The following PLA2G6 variants were observed in gnomAD, a reference collection of about 807,000 sequenced individuals.
The protein encoded by PLA2G6 is phospholipase A2 group VI, also known as 85/88 kDa calcium-independent phospholipase A2.
PLA2G6 carries 62 observed loss-of-function variants against 83.8 expected under a neutral mutation model. The observed-to-expected ratio is 0.74, with a 90% CI of 0.60 to 0.91. PLA2G6 has a LOEUF of 0.91. Ranked by LOEUF, PLA2G6 falls within the 40% of genes least tolerant of loss-of-function variation. The probability of loss-of-function intolerance (pLI) is 0.00; values close to 1 mark genes in which losing one functional copy is unlikely to be tolerated. For missense variants in PLA2G6, 944 were observed against 1,102.0 expected (o/e 0.86, Z 2.03); for synonymous variants, 417 against 449.8 (o/e 0.93, Z 0.92).
chr22:38,148,643 G>T, intron 2 of PLA2G6: 1 of 690,644 alleles, frequency 1.4e-6, no homozygotes, highest in South Asian at 1.6e-5. Flanking sequence ...GGAGAGCCCT[G>T]ATGAACATCT....
chr22:38,126,865 G>T, intron 9 of PLA2G6: 1 of 390,854 alleles, frequency 2.6e-6, no homozygotes, highest in Non-Finnish European at 4.3e-6. Flanking sequence ...GACAGGTGAG[G>T]CTCTAAGAGG....
rs140938545 is a variant in PLA2G6 at position 38,140,154 on chromosome 22, C to T, written c.625G>A (p.Ala209Thr). ...SQVLQLLGRN[A>T]VAGLNQVNNQ... ...TTCACCTGGTTCAGGCCAGCCACTG[C>T]GTTCCTTCCAAGGAGCTGATGAAAG... Residue 209 changes from alanine to threonine, a missense_variant, in exon 5 of 17, where the codon GCA (alanine) becomes ACA (threonine). Ala to Thr is a moderately conservative substitution (Grantham distance 58, BLOSUM62 0). Coordinates refer to ENST00000332509, the MANE Select transcript of PLA2G6 (RefSeq NM_003560.4). The T allele has an allele frequency of 1.5e-5, 25 of 1,613,976 alleles. No homozygotes were observed. Among genetic ancestry groups the T allele is most frequent in the Middle Eastern group, 3.3e-4 (2 of 6,084 alleles).
chr22:38,171,222 C>A (rs2090428663), intron 1 of PLA2G6, among the ~76,000 whole-genome samples: 1 of 151,904 alleles, frequency 6.6e-6, no homozygotes, highest in Non-Finnish European at 1.5e-5. Context: ...TTCGCAGTGT[C>A]CCATTACAAG....
chr22:38,112,622 C>A (rs538664051), intron 15 of PLA2G6, 45 bp from the exon 16 acceptor site: 9 of 1,485,364 alleles, frequency 6.1e-6, no homozygotes, highest in Non-Finnish European at 2.7e-6. Flanking sequence ...ACACCCCGCC[C>A]GGCCCGCACC....
chr22:38,121,964 C>T (rs1390595114), intron 11 of PLA2G6, among the ~76,000 whole-genome samples: 1 of 152,150 alleles, frequency 6.6e-6, no homozygotes, highest in Admixed American at 6.6e-5. Context: ...ATCTGCTCAC[C>T]CCGCAGGGCT....
chr22:38,115,757 G>A (rs768064585), intron 13 of PLA2G6, 76 bp from the exon 14 acceptor site: 257 of 1,523,432 alleles, frequency 1.7e-4, no homozygotes, highest in Non-Finnish European at 2.1e-4. Context: ...ATCTCAGGGT[G>A]TGCGTGTTGG....
chr22:38,140,031 C>G lies in PLA2G6; in HGVS notation c.748G>C (p.Gly250Arg). The change falls in exon 5 of 17, where the codon GGC (glycine) becomes CGC (arginine). Residue 250 changes from glycine (G) to arginine (R), a missense_variant. By Grantham distance (125) the Gly-to-Arg change is moderately radical. Coordinates refer to ENST00000332509, the MANE Select transcript of PLA2G6 (RefSeq NM_003560.4). Reference protein sequence around the residue: ...LLCNARCNIMGPNGYPIHSAM... With the variant: ...LLCNARCNIMRPNGYPIHSAM... ...GAGTGGATGGGGTAGCCGTTGGGGCCCATGATGTTGCACCGAGCATTGCAC... is the reference window on the plus strand; with the variant it reads ...GAGTGGATGGGGTAGCCGTTGGGGCGCATGATGTTGCACCGAGCATTGCAC... 6.2e-7 allele frequency: 1 copy of G among 1,612,356 alleles called. No individual in the cohort carries two copies. The highest frequency in any genetic ancestry group is 8.5e-7 in the Non-Finnish European group (1 of 1,179,246).
intron 14 of PLA2G6, among the ~76,000 whole-genome samples, chr22:38,114,936 C>T (rs2087100200): frequency 6.6e-6 from 1 of 152,190 alleles, no homozygotes; most frequent in Non-Finnish European, 1.5e-5. Context: ...CGCGCTCGCC[C>T]ACCCCGGTCA....
At chr22:38,121,201 A>G (rs1285599897) in intron 11 of PLA2G6, among the ~76,000 whole-genome samples, 3 of 152,056 alleles carry the variant, frequency 2.0e-5, no homozygotes, top group Admixed American at 2.0e-4. Context: ...AACATGGTGA[A>G]ACCCCGTCTA....
chr22:38,137,132 T>C (rs2088604358), intron 5 of PLA2G6: 2 of 152,286 alleles, frequency 1.3e-5, no homozygotes, highest in Non-Finnish European at 2.9e-5. Context: ...ACAGCGTTAG[T>C]GTTCAGCTGC....
intron 3 of PLA2G6, chr22:38,145,182 T>G (rs1412579408): frequency 2.0e-6 from 1 of 503,752 alleles, no homozygotes; most frequent in South Asian, 2.0e-5. Flanking sequence ...GCTAGGAGTA[T>G]AGACACATGC....
At chr22:38,129,822 C>T (rs1439232839) in intron 7 of PLA2G6, among the ~76,000 whole-genome samples, 1 of 152,166 alleles carries the variant, frequency 6.6e-6, no homozygotes, top group Non-Finnish European at 1.5e-5. Flanking sequence ...CTAGAAGTGA[C>T]TCGCCCCTGC....
At chr22:38,171,115 T>C (rs994773975) in intron 1 of PLA2G6, among the ~76,000 whole-genome samples, 1 of 146,582 alleles carries the variant, frequency 6.8e-6, no homozygotes, top group African/African-American at 2.5e-5. Flanking sequence ...GAGGTTGCGG[T>C]GAGCTGAGAT....
chr22:38,168,812 T>A (rs1350808135), intron 2 of PLA2G6, among the ~76,000 whole-genome samples: 1 of 152,136 alleles, frequency 6.6e-6, no homozygotes, highest in Non-Finnish European at 1.5e-5. Flanking sequence ...ATTGCGCCAC[T>A]GCACTCCAGC....
chr22:38,117,512 T>C (rs1339809670), intron 12 of PLA2G6, among the ~76,000 whole-genome samples: 2 of 151,956 alleles, frequency 1.3e-5, no homozygotes, highest in East Asian at 3.9e-4. Context: ...TTAAACAAAA[T>C]ATGATCAAAC....
chr22:38,121,096 G>C (rs553737234), intron 11 of PLA2G6, 187 bp from the exon 12 acceptor site: 16 of 602,720 alleles, frequency 2.7e-5, no homozygotes, highest in South Asian at 2.5e-4. Context: ...ACCTCCTTCC[G>C]GCTGGACATG....
intron 12 of PLA2G6, among the ~76,000 whole-genome samples, chr22:38,119,830 A>G (rs185459574): frequency 5.3e-4 from 80 of 152,294 alleles, no homozygotes; most frequent in East Asian, 2.7e-3. Flanking sequence ...AGAAAGAAAG[A>G]AAGGAAAAAA....
At chr22:38,114,193 T>C (rs1485536821) in intron 14 of PLA2G6, among the ~76,000 whole-genome samples, 1 of 151,362 alleles carries the variant, frequency 6.6e-6, no homozygotes, top group East Asian at 1.9e-4. Flanking sequence ...TTTTTTTTTT[T>C]TTTTTGAGAC....
intron 15 of PLA2G6, 46 bp from the exon 16 acceptor site, chr22:38,112,623 G>GGCCCACACCCCGCCCC: frequency 2.0e-6 from 3 of 1,488,910 alleles, no homozygotes; most frequent in Non-Finnish European, 2.7e-6. Context: ...CACCCCGCCC[G>GGCCCACACCCCGCCCC]GCCCGCACCC....
Sources: allele counts gnomAD v4.1 joint callset (sites outside exome capture counted in the v4.1 genomes callset), GRCh38; gene constraint gnomAD v4.1.1; transcripts MANE v1.5; gene names NCBI Gene and HGNC (gene_info 2026-07-23, HGNC 2026-07-21).